The following RERE variants were observed in gnomAD, a reference collection of about 807,000 sequenced individuals.
The protein encoded by RERE is arginine-glutamic acid dipeptide repeats.
RERE carries 40 observed loss-of-function variants against 146.1 expected under a neutral mutation model. The ratio of observed to expected loss-of-function variants is 0.27; its 90% CI spans 0.21 to 0.36. RERE has a LOEUF of 0.36. RERE is among the 10% of genes least tolerant of loss of function. The pLI is 1.00. For synonymous variants in RERE, 1,003 were observed against 866.0 expected, an observed-to-expected ratio of 1.16 and a Z score of -2.78; for missense variants, 1,933 against 2,138.7, an observed-to-expected ratio of 0.90 and a Z score of 1.90.
chr1:8,557,070 ATCATTCT>A (rs1646016876), intron 5 of RERE, among the ~76,000 whole-genome samples: 1 of 151,922 alleles, frequency 6.6e-6, no homozygotes, highest in African/African-American at 2.4e-5. Flanking sequence ...AAAAAAGAAC[ATCATTCT>A]TCCAAGCTGT....
chr1:8,445,054 T>TA (rs886869775), intron 11 of RERE, among the ~76,000 whole-genome samples: 10 of 152,328 alleles, frequency 6.6e-5, no homozygotes, highest in East Asian at 1.9e-4. Flanking sequence ...ATCCTTATCA[T>TA]AAAAAAAGTC....
intron 7 of RERE, among the ~76,000 whole-genome samples, chr1:8,519,430 C>T (rs1050601153): frequency 2.0e-5 from 3 of 152,066 alleles, no homozygotes; most frequent in African/African-American, 7.2e-5. Context: ...AAGACCCTGT[C>T]GCTAATAAAA....
intron 7 of RERE, among the ~76,000 whole-genome samples, chr1:8,511,139 T>A (rs749914464): frequency 4.2e-4 from 64 of 152,162 alleles, no homozygotes; most frequent in South Asian, 8.3e-4. Context: ...TGAAACAAAC[T>A]CCCAAATACC....
chr1:8,589,152 TG>T (rs1243367793), intron 4 of RERE, among the ~76,000 whole-genome samples: 338 of 151,046 alleles, frequency 2.2e-3, no homozygotes, highest in African/African-American at 7.8e-3. Flanking sequence ...CAAAAACTAC[TG>T]ACAAGGCCAG....
intron 11 of RERE, among the ~76,000 whole-genome samples, chr1:8,458,368 A>G (rs965509921): frequency 3.9e-5 from 6 of 152,098 alleles, no homozygotes; most frequent in South Asian, 4.1e-4. Context: ...AGTATTTATT[A>G]ATCTTTCAAG....
chr1:8,410,242 T>C (rs749241248), intron 12 of RERE, among the ~76,000 whole-genome samples: 43 of 152,192 alleles, frequency 2.8e-4, no homozygotes, highest in African/African-American at 1.0e-3. Flanking sequence ...GCTGGGGCCA[T>C]TGTTGCCACT....
chr1:8,699,381 C>G lies in RERE; in HGVS notation c.-144-42940G>C, dbSNP rs561609916. Among the ~76,000 whole-genome samples, 4 of 152,246 alleles carry G rather than the reference C, an allele frequency of 2.6e-5. No homozygotes were observed. The East Asian group carries it at 7.7e-4, about 29-fold the overall frequency. On this transcript the variant is annotated intron_variant, in intron 1 of 22. Coordinates refer to ENST00000400908, the MANE Select transcript of RERE (RefSeq NM_001042681.2). ...GTACTGAATAAATTAATGAATTACA[C>G]CAGAGTTCAATGATAACATTAAAAA...
chr1:8,370,910 G>A (rs1050372673), intron 12 of RERE, among the ~76,000 whole-genome samples: 5 of 152,234 alleles, frequency 3.3e-5, no homozygotes, highest in Non-Finnish European at 5.9e-5. Flanking sequence ...TTGCAAATTA[G>A]CTCCTGATTT....
intron 1 of RERE, among the ~76,000 whole-genome samples, chr1:8,800,103 C>T (rs111336261): frequency 6.6e-6 from 1 of 152,122 alleles, no homozygotes; most frequent in African/African-American, 2.4e-5. Context: ...CGTGAGCCAC[C>T]GCACCTGGCC....
At chr1:8,722,114 A>G (rs1057138912) in intron 1 of RERE, among the ~76,000 whole-genome samples, 1 of 152,182 alleles carries the variant, frequency 6.6e-6, no homozygotes, top group Admixed American at 6.5e-5. Flanking sequence ...ATTCTACTTC[A>G]TAAGGTATTG....
At chr1:8,768,065 A>G (rs1640881568) in intron 1 of RERE, among the ~76,000 whole-genome samples, 1 of 152,174 alleles carries the variant, frequency 6.6e-6, no homozygotes, top group African/African-American at 2.4e-5. Context: ...GACCACTTGA[A>G]ATAGTCACAG....
chr1:8,440,588 TAAAA>T (rs61101850), intron 11 of RERE, among the ~76,000 whole-genome samples: 4 of 71,442 alleles, frequency 5.6e-5, no homozygotes, highest in Admixed American at 3.5e-4. Context: ...AGACTCCACC[TAAAA>T]AAAAAAAAAA....
chr1:8,370,689 G>A (rs755937920), intron 12 of RERE, among the ~76,000 whole-genome samples: 1 of 152,186 alleles, frequency 6.6e-6, no homozygotes, highest in Non-Finnish European at 1.5e-5. Flanking sequence ...ACATGTCGGG[G>A]AAAGCTCTGG....
chr1:8,355,884 C>T (rs550343447), intron 21 of RERE, among the ~76,000 whole-genome samples: 62 of 152,262 alleles, frequency 4.1e-4, no homozygotes, highest in African/African-American at 1.1e-3. Flanking sequence ...CTACTTTCAC[C>T]GGCTCTTAGC....
Position 8,352,474 on chromosome 1 carries a change from G to C in RERE, c.*2613C>G, listed in dbSNP as rs922249096. ...AAATTACAAAATACTCAAATGGAGAGAACACAGAAGTCACGATTTCTGGGT... is the reference window on the plus strand; with the variant it reads ...AAATTACAAAATACTCAAATGGAGACAACACAGAAGTCACGATTTCTGGGT... On this transcript the variant is annotated 3_prime_UTR_variant, in exon 23 of 23. Transcript: ENST00000400908. The C allele has an allele frequency of 1.3e-5, 2 of 152,466 alleles. No individual in the cohort carries two copies. Among genetic ancestry groups the C allele is most frequent in the Admixed American group, 1.3e-4 (2 of 15,276 alleles). The allele number at this position is 152,466 out of a possible 1,614,324, so 9.4% of individuals were successfully genotyped here. A position where few individuals can be genotyped will look rare whatever the true frequency, so the allele number is the denominator to read the frequency against.
chr1:8,542,108 G>A (rs57728793), intron 6 of RERE, among the ~76,000 whole-genome samples: 2,417 of 152,154 alleles, frequency 0.016, 153 homozygotes, highest in East Asian at 0.11. Flanking sequence ...ATTATATCAC[G>A]TGGTGAGGCC....
rs535952708 is a variant in RERE, at chr1:8,394,560, T to C, written c.1284+28167A>G. ...AAAAGGAATTCACACACATTTCCGT[T>C]TTCCAGTAATTTAACTTAAGAAAGG... On this transcript the variant is annotated intron_variant, in intron 12 of 22. Transcript: ENST00000400908. Among the ~76,000 whole-genome samples the C allele has an allele frequency of 2.0e-4, 31 of 152,298 alleles. 1 individual carries two copies. The South Asian group carries it at 6.0e-3, about 30-fold the overall frequency.
At chr1:8,586,522 T>C (rs1041158440) in intron 4 of RERE, among the ~76,000 whole-genome samples, 1 of 152,198 alleles carries the variant, frequency 6.6e-6, no homozygotes, top group Non-Finnish European at 1.5e-5. Flanking sequence ...TCACCTGTAT[T>C]CTGCTTAGAA....
At chr1:8,549,756 T>G (rs1645911493) in intron 6 of RERE, among the ~76,000 whole-genome samples, 1 of 152,228 alleles carries the variant, frequency 6.6e-6, no homozygotes, top group South Asian at 2.1e-4. Flanking sequence ...AATTAGACAT[T>G]ATCAACCTCA....
Sources: allele counts gnomAD v4.1 joint callset (sites outside exome capture counted in the v4.1 genomes callset), GRCh38; gene constraint gnomAD v4.1.1; transcripts MANE v1.5; gene names NCBI Gene and HGNC (gene_info 2026-07-23, HGNC 2026-07-21).